Variants in GSE1 observed in about 807,000 individuals in gnomAD.
The protein encoded by GSE1 is genetic suppressor element 1.
A neutral mutation model predicts 112.6 loss-of-function variants in GSE1; 32 were observed. That is an observed-to-expected ratio of 0.28 (90% CI 0.21 to 0.38). The LOEUF (loss-of-function observed/expected upper bound fraction) is 0.38, where lower values mean the gene tolerates loss of function less well. GSE1 is among the 10% of genes least tolerant of loss of function. The probability of loss-of-function intolerance (pLI) is 1.00; values close to 1 mark genes in which losing one functional copy is unlikely to be tolerated. For synonymous variants in GSE1, 1,115 were observed against 735.6 expected (o/e 1.52, Z -8.35); for missense variants, 2,348 against 1,699.2 (o/e 1.38, Z -6.71).
At chr16:85,226,760 TGTGTGTGTGTGTGTG>T (rs765811529) in intron 1 of GSE1, among the ~76,000 whole-genome samples, 83 of 3,318 alleles carry the variant, frequency 0.025, no homozygotes, top group South Asian at 0.092. Flanking sequence ...CCTGGACTGG[TGTGTGTGTGTGTGTG>T]TGTGTGTGTG....
rs114588856 is a variant in GSE1, at chr16:85,550,174, G to C, written c.2465-83740G>C. 3.3e-3 allele frequency among the ~76,000 whole-genome samples: 503 copies of C among 152,310 alleles called. 2 individuals are homozygous for C. The highest frequency in any genetic ancestry group is 0.012 in the African/African-American group (494 of 41,564). On this transcript the variant is annotated intron_variant, in intron 2 of 2. Transcript: ENST00000637419. Reference sequence around the variant, plus strand: ...TAATGTCACTGCCCGAGGGCACACAGAGGGTGGGGGCGAGACGGAATTTGA... The same window carrying C: ...TAATGTCACTGCCCGAGGGCACACACAGGGTGGGGGCGAGACGGAATTTGA...
intron 1 of GSE1, among the ~76,000 whole-genome samples, chr16:85,313,039 G>A (rs1047903173): frequency 3.9e-5 from 6 of 152,252 alleles, no homozygotes; most frequent in South Asian, 2.1e-4. Flanking sequence ...GCCACTGCCC[G>A]GCTGATACTC....
chr16:85,238,340 C>T (rs1396870581), intron 1 of GSE1, among the ~76,000 whole-genome samples: 2 of 152,232 alleles, frequency 1.3e-5, no homozygotes, highest in East Asian at 3.8e-4. Context: ...ACCATCGCCT[C>T]TCACCAAGGC....
chr16:85,362,512 A>G (rs1040692646), intron 2 of GSE1, among the ~76,000 whole-genome samples: 1 of 152,214 alleles, frequency 6.6e-6, no homozygotes, highest in African/African-American at 2.4e-5. Flanking sequence ...AGCCTTCTCA[A>G]GGTTCAGGAC....
intron 2 of GSE1, among the ~76,000 whole-genome samples, chr16:85,434,584 G>C (rs1215980575): frequency 1.3e-5 from 2 of 152,188 alleles, no homozygotes. Flanking sequence ...TGGGGAGGCT[G>C]AGACAGGCGG....
chr16:85,586,439 C>G (rs2046697849), intron 1 of GSE1, among the ~76,000 whole-genome samples: 1 of 152,170 alleles, frequency 6.6e-6, no homozygotes, highest in African/African-American at 2.4e-5. Flanking sequence ...CTGATCTCGC[C>G]TTCCCATGGG....
At chr16:85,511,043 G>C (rs1033156186) in intron 2 of GSE1, among the ~76,000 whole-genome samples, 6 of 152,218 alleles carry the variant, frequency 3.9e-5, no homozygotes, top group African/African-American at 1.4e-4. Flanking sequence ...ATGAAGACAA[G>C]GGCTGCGCTC....
At chr16:85,506,355 T>G (rs536983960) in intron 2 of GSE1, among the ~76,000 whole-genome samples, 14 of 152,100 alleles carry the variant, frequency 9.2e-5, no homozygotes, top group African/African-American at 3.4e-4. Context: ...GGCTTGGCTG[T>G]ATGTGGGGGT....
At chr16:85,322,122 G>A (rs2151500524) in intron 1 of GSE1, among the ~76,000 whole-genome samples, 1 of 152,382 alleles carries the variant, frequency 6.6e-6, no homozygotes. Flanking sequence ...GGGACTGGGT[G>A]GACCTTCCAA....
chr16:85,504,042 C>G lies in GSE1; in HGVS notation c.2465-129872C>G, dbSNP rs936019451. Among the ~76,000 whole-genome samples, 3 of 152,362 alleles carry G rather than the reference C, an allele frequency of 2.0e-5. No homozygotes were observed. In the South Asian group the frequency reaches 6.2e-4, roughly 32 times the overall value. On this transcript the variant is annotated intron_variant, in intron 2 of 2. Transcript: ENST00000637419. ...CTGCAGAAAAGCGCCATCCTCCGCCCGCCCTCTGCCTCCCACGGTGCTGCC... is the reference window on the plus strand; with the variant it reads ...CTGCAGAAAAGCGCCATCCTCCGCCGGCCCTCTGCCTCCCACGGTGCTGCC...
intron 1 of GSE1, among the ~76,000 whole-genome samples, chr16:85,321,600 C>T (rs983386276): frequency 3.9e-5 from 6 of 151,964 alleles, no homozygotes; most frequent in African/African-American, 7.3e-5. Context: ...CATGCTGCTA[C>T]ACTCCAGCCT....
chr16:85,221,877 G>A (rs1174501609), intron 1 of GSE1, among the ~76,000 whole-genome samples: 3 of 152,146 alleles, frequency 2.0e-5, no homozygotes, highest in East Asian at 3.9e-4. Flanking sequence ...CATGTTTTCC[G>A]CCTCTGATGG....
chr16:85,175,228 G>T (rs1398370312), intron 1 of GSE1, among the ~76,000 whole-genome samples: 2 of 152,202 alleles, frequency 1.3e-5, no homozygotes, highest in Admixed American at 1.3e-4. Context: ...CGGGTCCCCA[G>T]AGAGCACCAT....
At chr16:85,368,595 C>T (rs528363226) in intron 2 of GSE1, among the ~76,000 whole-genome samples, 2 of 151,780 alleles carry the variant, frequency 1.3e-5, no homozygotes, top group East Asian at 3.9e-4. Flanking sequence ...GTCCCAGCTA[C>T]TCAGGAGGCT....
chr16:85,418,114 G>A (rs1166494062), intron 2 of GSE1, among the ~76,000 whole-genome samples: 1 of 152,254 alleles, frequency 6.6e-6, no homozygotes, highest in Non-Finnish European at 1.5e-5. Context: ...TGGGATTACA[G>A]GCGTGAGCCA....
intron 2 of GSE1, among the ~76,000 whole-genome samples, chr16:85,645,927 G>C (rs111923062): frequency 7.3e-6 from 1 of 136,438 alleles, no homozygotes; most frequent in Non-Finnish European, 1.6e-5. Context: ...CATGCATTCT[G>C]CCTGCTTCTA....
chr16:85,333,735 C>T (rs866393635), intron 1 of GSE1, among the ~76,000 whole-genome samples: 1 of 152,152 alleles, frequency 6.6e-6, no homozygotes, highest in Non-Finnish European at 1.5e-5. Flanking sequence ...ATCTGGACGC[C>T]TCTTCTGGAG....
chr16:85,342,070 G>A (rs959961736), intron 1 of GSE1, among the ~76,000 whole-genome samples: 5 of 151,976 alleles, frequency 3.3e-5, no homozygotes, highest in African/African-American at 7.3e-5. Flanking sequence ...TGCAGGGCCC[G>A]GTGGCCAGCC....
chr16:85,179,943 T>C (rs2074547670), intron 1 of GSE1, among the ~76,000 whole-genome samples: 1 of 152,218 alleles, frequency 6.6e-6, no homozygotes. Flanking sequence ...TGGTAGATGA[T>C]AGACTATTAG....
Sources: gnomAD v4.1 joint callset for allele counts (sites outside exome capture counted in the v4.1 genomes callset) on GRCh38, gnomAD v4.1.1 for gene constraint, MANE v1.5 for transcripts, NCBI Gene and HGNC (gene_info 2026-07-23, HGNC 2026-07-21) for gene names.